The following GALNT17 variants were observed in gnomAD, a reference collection of about 807,000 sequenced individuals.
GALNT17 encodes polypeptide N-acetylgalactosaminyltransferase 17, also known as UDP-GalNAc:polypeptide N-acetylgalactosaminyltransferase-like 3.
GALNT17 carries 29 observed loss-of-function variants against 63.7 expected under a neutral mutation model. That is an observed-to-expected ratio of 0.46 (90% CI 0.34 to 0.62). GALNT17 has a LOEUF of 0.62. GALNT17 is among the 20% of genes least tolerant of loss of function. The pLI, the probability that GALNT17 is intolerant of heterozygous loss-of-function variation, is 0.01. For missense variants in GALNT17, 603 were observed against 799.6 expected (o/e 0.75, Z 2.97); for synonymous variants, 305 against 318.3 (o/e 0.96, Z 0.45).
intron 1 of GALNT17, among the ~76,000 whole-genome samples, chr7:71,213,706 T>C (rs1280988363): frequency 6.6e-6 from 1 of 152,272 alleles, no homozygotes; most frequent in African/African-American, 2.4e-5. Flanking sequence ...TTAAATTCTT[T>C]TATATTGGGT....
chr7:71,307,487 G>A (rs990605505), intron 1 of GALNT17, among the ~76,000 whole-genome samples: 5 of 151,882 alleles, frequency 3.3e-5, no homozygotes, highest in Non-Finnish European at 5.9e-5. Flanking sequence ...TGTTGGAGGA[G>A]ACGGGCATCT....
intron 2 of GALNT17, among the ~76,000 whole-genome samples, chr7:71,340,136 A>T (rs1169375775): frequency 6.6e-6 from 1 of 152,200 alleles, no homozygotes. Context: ...TGGAGATGAC[A>T]GGCATTTCTG....
intron 1 of GALNT17, among the ~76,000 whole-genome samples, chr7:71,319,304 G>T (rs927898407): frequency 6.6e-6 from 1 of 151,974 alleles, no homozygotes; most frequent in Non-Finnish European, 1.5e-5. Flanking sequence ...TGAAATTGGT[G>T]CTGTGAACAT....
chr7:71,658,547 T>G (rs1427897745), intron 6 of GALNT17, among the ~76,000 whole-genome samples: 2 of 152,208 alleles, frequency 1.3e-5, no homozygotes, highest in Non-Finnish European at 2.9e-5. Context: ...ATAACCCTCC[T>G]TCTCCTTCCA....
At chr7:71,256,721 T>C in intron 1 of GALNT17, among the ~76,000 whole-genome samples, 1 of 152,212 alleles carries the variant, frequency 6.6e-6, no homozygotes, top group Non-Finnish European at 1.5e-5. Context: ...TCTAAATATT[T>C]TACAGATTTT....
chr7:71,685,665 C>G (rs1014653089), intron 9 of GALNT17: 7 of 152,038 alleles, frequency 4.6e-5, no homozygotes, highest in African/African-American at 1.7e-4. Context: ...AAAGGGGACA[C>G]CCGTCTAGCC....
intron 6 of GALNT17, among the ~76,000 whole-genome samples, chr7:71,640,845 CAA>C (rs35666782): frequency 1.4e-5 from 2 of 141,520 alleles, no homozygotes; most frequent in African/African-American, 2.6e-5. Flanking sequence ...GACCCCATCT[CAA>C]AAAAAAAAAA....
In GALNT17 at chr7:71,565,456, C is replaced by T. The variant is rs548490354; in HGVS notation, c.963-5829C>T. 1.9e-3 allele frequency among the ~76,000 whole-genome samples: 287 copies of T among 152,114 alleles called. 2 individuals are homozygous for T. The highest frequency in any genetic ancestry group is 6.5e-3 in the African/African-American group (270 of 41,498). ...CCCCTTCTCTACTGTCCTCTCCTTCCTCTCTCTAGCACTTCATCCTGCTCT... is the reference window on the plus strand; with the variant it reads ...CCCCTTCTCTACTGTCCTCTCCTTCTTCTCTCTAGCACTTCATCCTGCTCT... On this transcript the variant is annotated intron_variant, in intron 5 of 10. Transcript: ENST00000333538.
In GALNT17 at chr7:71,471,405, A is replaced by AC. The variant is rs1468540796; in HGVS notation, c.962+50300_962+50301insC. Among the ~76,000 whole-genome samples, 22 of 149,528 alleles carry AC rather than the reference A, an allele frequency of 1.5e-4. 1 individual carries two copies. Among genetic ancestry groups the AC allele is most frequent in the Non-Finnish European group, 2.1e-4 (14 of 67,370 alleles). Reference sequence around the variant, plus strand: ...GCTCAGCATTTTTTTTTTCCAAAAAAAAAAAAAAACAAAAAAAACCAAAAA... The same window carrying AC: ...GCTCAGCATTTTTTTTTTCCAAAAAACAAAAAAAAACAAAAAAAACCAAAAA... On this transcript the variant is annotated intron_variant, in intron 5 of 10. Transcript: ENST00000333538.
At chr7:71,710,127 T>C (rs1028275486) in intron 9 of GALNT17, among the ~76,000 whole-genome samples, 3 of 152,144 alleles carry the variant, frequency 2.0e-5, no homozygotes, top group African/African-American at 7.2e-5. Context: ...ATTTAGAAAT[T>C]AGACATCCAG....
chr7:71,606,827 G>A (rs1790055040), intron 6 of GALNT17, among the ~76,000 whole-genome samples: 1 of 152,186 alleles, frequency 6.6e-6, no homozygotes, highest in Non-Finnish European at 1.5e-5. Context: ...CTGGATCACA[G>A]TTCTCTACAA....
intron 6 of GALNT17, among the ~76,000 whole-genome samples, chr7:71,642,135 C>T (rs1431036351): frequency 6.6e-6 from 1 of 152,088 alleles, no homozygotes; most frequent in Non-Finnish European, 1.5e-5. Context: ...GAAAGGGTAC[C>T]ATCATTCCTC....
intron 1 of GALNT17, among the ~76,000 whole-genome samples, chr7:71,228,532 T>C (rs1789723717): frequency 6.6e-6 from 1 of 152,194 alleles, no homozygotes. Context: ...GAAATCAAGG[T>C]GTCAGCAGGG....
In GALNT17 at chr7:71,490,960, G is replaced by A. The variant is rs543833796; in HGVS notation, c.962+69855G>A. ...TGTAATCCCAGCACTTTGGGAGGCCGAGGCAGGCGGATCACCTGAGGTTGG... is the reference window on the plus strand; with the variant it reads ...TGTAATCCCAGCACTTTGGGAGGCCAAGGCAGGCGGATCACCTGAGGTTGG... On this transcript the variant is annotated intron_variant, in intron 5 of 10. Coordinates refer to ENST00000333538, the MANE Select transcript of GALNT17 (RefSeq NM_022479.3). Among the ~76,000 whole-genome samples the A allele has an allele frequency of 1.8e-3, 269 of 152,202 alleles. 1 individual carries two copies. The highest frequency in any genetic ancestry group is 6.2e-3 in the African/African-American group (256 of 41,532).
intron 1 of GALNT17, among the ~76,000 whole-genome samples, chr7:71,290,500 C>T (rs1195275974): frequency 1.3e-5 from 2 of 152,028 alleles, no homozygotes; most frequent in African/African-American, 2.4e-5. Flanking sequence ...ATAGATGGCC[C>T]GGGGAGGCTA....
At chr7:71,226,950 C>T (rs1789691495) in intron 1 of GALNT17, among the ~76,000 whole-genome samples, 1 of 151,940 alleles carries the variant, frequency 6.6e-6, no homozygotes, top group Non-Finnish European at 1.5e-5. Flanking sequence ...TGCTGCCGTC[C>T]AAGGAACCAC....
intron 2 of GALNT17, among the ~76,000 whole-genome samples, chr7:71,384,941 G>A (rs537471233): frequency 5.9e-5 from 9 of 152,260 alleles, no homozygotes; most frequent in African/African-American, 9.6e-5. Context: ...TAGATACTTC[G>A]TTTGACACTT....
At chr7:71,221,047 C>T (rs1789573841) in intron 1 of GALNT17, among the ~76,000 whole-genome samples, 1 of 152,152 alleles carries the variant, frequency 6.6e-6, no homozygotes, top group Non-Finnish European at 1.5e-5. Flanking sequence ...CGCTGAGCCT[C>T]ATGAAGGAGC....
chr7:71,180,750 A>G (rs1788720046), intron 1 of GALNT17, among the ~76,000 whole-genome samples: 1 of 152,116 alleles, frequency 6.6e-6, no homozygotes, highest in East Asian at 1.9e-4. Context: ...GCTGGGGCAA[A>G]TCAGTTTGGG....
Sources: gnomAD v4.1 joint callset for allele counts (sites outside exome capture counted in the v4.1 genomes callset) on GRCh38, gnomAD v4.1.1 for gene constraint, MANE v1.5 for transcripts, NCBI Gene and HGNC (gene_info 2026-07-23, HGNC 2026-07-21) for gene names.